ROBO1: variants seen among roughly 807,000 people sequenced by gnomAD.
ROBO1 encodes roundabout guidance receptor 1, also known as roundabout homolog 1.
A neutral mutation model predicts 195.9 loss-of-function variants in ROBO1; 149 were observed. The observed-to-expected ratio is 0.76, with a 90% CI of 0.67 to 0.87. The LOEUF (loss-of-function observed/expected upper bound fraction) is 0.87, where lower values mean the gene tolerates loss of function less well. Ranked by LOEUF, ROBO1 falls within the 40% of genes least tolerant of loss-of-function variation. The pLI, the probability that ROBO1 is intolerant of heterozygous loss-of-function variation, is 0.00. For missense variants in ROBO1, 1,933 were observed against 2,068.3 expected, an observed-to-expected ratio of 0.93 and a Z score of 1.27; for synonymous variants, 816 against 733.2, an observed-to-expected ratio of 1.11 and a Z score of -1.82.
chr3:79,413,166 C>G (rs2037852463), intron 2 of ROBO1, among the ~76,000 whole-genome samples: 1 of 151,730 alleles, frequency 6.6e-6, no homozygotes, highest in Non-Finnish European at 1.5e-5. Context: ...ACAACCTGAG[C>G]TATTTCTACA....
intron 1 of ROBO1, among the ~76,000 whole-genome samples, chr3:79,704,963 A>G (rs1172175941): frequency 1.3e-5 from 2 of 151,650 alleles, no homozygotes; most frequent in African/African-American, 4.8e-5. Flanking sequence ...TCATGTGCTT[A>G]TTTGCCTTCT....
At chr3:78,814,589 G>T (rs938385872) in intron 4 of ROBO1, among the ~76,000 whole-genome samples, 2 of 151,822 alleles carry the variant, frequency 1.3e-5, no homozygotes, top group African/African-American at 4.8e-5. Flanking sequence ...AGCTAGACAA[G>T]ACCTGTAAGA....
intron 2 of ROBO1, among the ~76,000 whole-genome samples, chr3:79,356,215 C>A (rs2035548933): frequency 6.6e-6 from 1 of 152,104 alleles, no homozygotes; most frequent in South Asian, 2.1e-4. Context: ...GTGGTGCACA[C>A]CTGAAATCCC....
intron 2 of ROBO1, among the ~76,000 whole-genome samples, chr3:79,436,563 T>C (rs542379237): frequency 1.3e-5 from 2 of 152,138 alleles, no homozygotes; most frequent in Non-Finnish European, 2.9e-5. Flanking sequence ...GATCTGTAGG[T>C]TGTCATGTAA....
At chr3:79,720,059 T>G (rs1702637171) in intron 1 of ROBO1, among the ~76,000 whole-genome samples, 1 of 152,216 alleles carries the variant, frequency 6.6e-6, no homozygotes, top group Non-Finnish European at 1.5e-5. Flanking sequence ...AAATAGTTTT[T>G]GAAATTCTAT....
At chr3:79,465,230 C>A (rs1937896149) in intron 2 of ROBO1, among the ~76,000 whole-genome samples, 1 of 152,156 alleles carries the variant, frequency 6.6e-6, no homozygotes, top group African/African-American at 2.4e-5. Flanking sequence ...TTATTAGAAA[C>A]AAAGAACATT....
At chr3:78,789,209 A>T (rs1006221733) in intron 4 of ROBO1, among the ~76,000 whole-genome samples, 4 of 152,220 alleles carry the variant, frequency 2.6e-5, no homozygotes, top group Admixed American at 2.0e-4. Flanking sequence ...GGGGGAACAG[A>T]ATGAATAAAA....
chr3:79,699,318 CACAGGGAGCGCCCCCT>C (rs1175774847), intron 1 of ROBO1, among the ~76,000 whole-genome samples: 2 of 151,448 alleles, frequency 1.3e-5, no homozygotes, highest in East Asian at 3.9e-4. Flanking sequence ...ACAGTACAAG[CACAGGGAGCGCCCCCT>C]ACATGGCAAC....
intron 22 of ROBO1, among the ~76,000 whole-genome samples, chr3:78,638,222 TATACATATATGTATGTGTGTATACACAC>T (rs898936022): frequency 2.7e-4 from 36 of 135,452 alleles, no homozygotes; most frequent in African/African-American, 7.3e-4. Flanking sequence ...TATACACTTA[TATACATATATGTATGTGTGTATACACAC>T]ATACATATAT....
At chr3:78,862,282 G>C (rs1052518193) in intron 4 of ROBO1, among the ~76,000 whole-genome samples, 16 of 152,034 alleles carry the variant, frequency 1.1e-4, no homozygotes, top group African/African-American at 3.6e-4. Flanking sequence ...AGGGAGAAAA[G>C]ACCAGCCTCT....
At chr3:78,872,364 G>A (rs1195047403) in intron 4 of ROBO1, among the ~76,000 whole-genome samples, 4 of 152,174 alleles carry the variant, frequency 2.6e-5, no homozygotes, top group Non-Finnish European at 5.9e-5. Flanking sequence ...TGAGTTTGGG[G>A]GAAGGCACAA....
rs142405008 is a variant in ROBO1 at position 79,630,767 on chromosome 3, C to T, written c.-50-40806G>A. Among the ~76,000 whole-genome samples the T allele has an allele frequency of 1.5e-3, 228 of 151,860 alleles. No individual in the cohort carries two copies. The East Asian group carries it at 0.015, about 10-fold the overall frequency. The stretch of plus-strand genomic sequence containing the variant: ...ACCAAAAGATTTTTAGACTTGATAG[C>T]GATATCAGTAAAGTTTCATGATACA... On this transcript the variant is annotated intron_variant, in intron 1 of 30. Transcript: ENST00000464233.
intron 2 of ROBO1, among the ~76,000 whole-genome samples, chr3:79,407,480 TGAA>T: frequency 6.6e-6 from 1 of 152,336 alleles, no homozygotes; most frequent in Admixed American, 6.5e-5. Context: ...TTTATAAACC[TGAA>T]GAATAGACAC....
chr3:79,639,798 C>T (rs948322278), intron 1 of ROBO1, among the ~76,000 whole-genome samples: 4 of 152,098 alleles, frequency 2.6e-5, no homozygotes, highest in Non-Finnish European at 5.9e-5. Context: ...CTAGCTAGTA[C>T]TTCTCATATT....
intron 1 of ROBO1, among the ~76,000 whole-genome samples, chr3:79,682,307 A>G (rs1946973324): frequency 6.6e-6 from 1 of 151,994 alleles, no homozygotes; most frequent in African/African-American, 2.4e-5. Flanking sequence ...AGCCTTTGAG[A>G]AAGACCTGTG....
chr3:79,563,779 G>T (rs558360688), intron 2 of ROBO1, among the ~76,000 whole-genome samples: 1 of 151,834 alleles, frequency 6.6e-6, no homozygotes, highest in Non-Finnish European at 1.5e-5. Flanking sequence ...AAAGATGTGA[G>T]GTAAATCTAT....
At chr3:78,810,875 AAAAAT>A (rs1442196423) in intron 4 of ROBO1, among the ~76,000 whole-genome samples, 3 of 152,182 alleles carry the variant, frequency 2.0e-5, no homozygotes, top group Non-Finnish European at 2.9e-5. Context: ...AAAGATCTTA[AAAAAT>A]AAAATAAAGC....
chr3:79,448,440 A>T (rs544368190), intron 2 of ROBO1, among the ~76,000 whole-genome samples: 1 of 152,254 alleles, frequency 6.6e-6, no homozygotes, highest in South Asian at 2.1e-4. Flanking sequence ...TATGCTTTGT[A>T]AGGGTCCTCC....
intron 2 of ROBO1, among the ~76,000 whole-genome samples, chr3:79,489,393 C>T (rs934313919): frequency 4.6e-5 from 7 of 152,134 alleles, no homozygotes; most frequent in Non-Finnish European, 8.8e-5. Flanking sequence ...CAGTGGCTAA[C>T]GCCTGTAATC....
Sources: gnomAD v4.1 joint callset for allele counts (sites outside exome capture counted in the v4.1 genomes callset) on GRCh38, gnomAD v4.1.1 for gene constraint, MANE v1.5 for transcripts, NCBI Gene and HGNC (gene_info 2026-07-23, HGNC 2026-07-21) for gene names.